The following API5 variants were observed in gnomAD, a reference collection of about 807,000 sequenced individuals.
API5 encodes the protein apoptosis inhibitor 5.
In API5, 6 loss-of-function variants were observed where a neutral mutation model predicts 71.9. That is an observed-to-expected ratio of 0.08 (90% confidence interval 0.05 to 0.16). API5 has a LOEUF of 0.16. API5 is among the 10% of genes least tolerant of loss of function. The probability of loss-of-function intolerance (pLI) is 1.00; values close to 1 mark genes in which losing one functional copy is unlikely to be tolerated. For missense variants in API5, 332 were observed against 612.8 expected (o/e 0.54, Z 4.84); for synonymous variants, 189 against 221.3 (o/e 0.85, Z 1.30).
intron 11 of API5, among the ~76,000 whole-genome samples, chr11:43,334,543 A>T (rs1377425032): frequency 6.6e-6 from 1 of 152,158 alleles, no homozygotes; most frequent in African/African-American, 2.4e-5. Flanking sequence ...ACTTTTATTG[A>T]ATTTTACCTA....
At chr11:43,321,075 T>A (rs1272397142) in intron 3 of API5, among the ~76,000 whole-genome samples, 161 bp downstream of exon 3, 1 of 152,196 alleles carries the variant, frequency 6.6e-6, no homozygotes, top group Non-Finnish European at 1.5e-5. Flanking sequence ...GTGTAATGAT[T>A]TCTGGTTATC....
chr11:43,326,896 A>G (rs773099443), intron 7 of API5, among the ~76,000 whole-genome samples: 2 of 152,220 alleles, frequency 1.3e-5, no homozygotes, highest in African/African-American at 4.8e-5. Flanking sequence ...ATTTCTATCC[A>G]TAACTGACAG....
chr11:43,317,767 T>C (rs1233069691), intron 1 of API5, among the ~76,000 whole-genome samples: 1 of 152,202 alleles, frequency 6.6e-6, no homozygotes, highest in Non-Finnish European at 1.5e-5. Context: ...AACCTCTGCC[T>C]CCTGGGTTCA....
At chr11:43,320,596 A>G (rs1854844166) in intron 2 of API5, among the ~76,000 whole-genome samples, 1 of 151,856 alleles carries the variant, frequency 6.6e-6, no homozygotes, top group African/African-American at 2.4e-5. Context: ...CCAGGCGTGG[A>G]GGCTTGCGTC....
rs1363747733 is a variant in API5, at chr11:43,342,408, C to A, written c.1493-20C>A. 1.9e-6 allele frequency: 3 copies of A among 1,575,906 alleles called. No homozygotes were observed. Among genetic ancestry groups the A allele is most frequent in the Non-Finnish European group, 2.6e-6 (3 of 1,161,866 alleles). On this transcript the variant is annotated intron_variant, in intron 13 of 13. Transcript: ENST00000531273. ...ATGAAATCCTAAGCAAGACCTAAAC[C>A]CTTGTTCGCTTTTTCGTAGAGCAGA...
intron 2 of API5, among the ~76,000 whole-genome samples, chr11:43,320,208 G>T (rs954890413): frequency 1.3e-5 from 2 of 151,886 alleles, no homozygotes; most frequent in Non-Finnish European, 2.9e-5. Flanking sequence ...ACCACGCCTG[G>T]CTAATTTTTG....
At chr11:43,316,951 G>A (rs531614538) in intron 1 of API5, among the ~76,000 whole-genome samples, 1 of 152,066 alleles carries the variant, frequency 6.6e-6, no homozygotes, top group Non-Finnish European at 1.5e-5. Flanking sequence ...CTGTTATTTG[G>A]GAGTTGTTCT....
At chr11:43,321,573 G>A (rs1335477814) in intron 4 of API5, 97 bp downstream of exon 4, 1 of 982,308 alleles carries the variant, frequency 1.0e-6, no homozygotes, top group African/African-American at 1.7e-5. Flanking sequence ...TTTACCCAGA[G>A]TTCTATTTCA....
intron 6 of API5, among the ~76,000 whole-genome samples, chr11:43,324,745 T>G (rs547147469): frequency 4.3e-4 from 65 of 152,146 alleles, no homozygotes; most frequent in Non-Finnish European, 7.9e-4. Flanking sequence ...TGGCATGATC[T>G]TGGCTGACTG....
chr11:43,321,483 C>T lies in API5; in HGVS notation c.391+7C>T. 12 of 1,596,832 alleles carry T rather than the reference C, an allele frequency of 7.5e-6. No homozygotes were observed. Among genetic ancestry groups the T allele is most frequent in the Non-Finnish European group, 1.0e-5 (12 of 1,166,822 alleles). ...TTTAAAATGGATGCAAAAGGTAAGG[C>T]CAGTTCTTATTCTGAATTGTGTTTG... On this transcript the variant is annotated splice_region_variant and intron_variant, in intron 4 of 13. Transcript: ENST00000531273.
intron 9 of API5, 167 bp downstream of exon 9, chr11:43,329,060 AGC>A (rs1483249919): frequency 5.8e-6 from 4 of 693,548 alleles, no homozygotes; most frequent in Non-Finnish European, 9.4e-6. Context: ...GACAGAAATG[AGC>A]CAGGCATGGT....
intron 3 of API5, 44 bp downstream of exon 3, chr11:43,320,958 C>T: frequency 6.7e-7 from 1 of 1,496,858 alleles, no homozygotes; most frequent in Non-Finnish European, 9.3e-7. Flanking sequence ...TATATATCTT[C>T]TTTCTGAAAT....
At chr11:43,337,460 A>G (rs1241765527) in intron 13 of API5, among the ~76,000 whole-genome samples, 1 of 152,240 alleles carries the variant, frequency 6.6e-6, no homozygotes, top group African/African-American at 2.4e-5. Flanking sequence ...ATTATATAGA[A>G]AGCCAATTTT....
intron 6 of API5, among the ~76,000 whole-genome samples, chr11:43,324,163 A>G (rs1854991404): frequency 6.6e-6 from 1 of 152,080 alleles, no homozygotes; most frequent in South Asian, 2.1e-4. Flanking sequence ...TACTACAGTC[A>G]TGCACTATCA....
chr11:43,316,995 A>G (rs1854695513), intron 1 of API5, among the ~76,000 whole-genome samples: 2 of 152,172 alleles, frequency 1.3e-5, no homozygotes, highest in Admixed American at 1.3e-4. Context: ...TTTTCACTTA[A>G]CATAGCATTA....
Position 43,321,400 on chromosome 11 carries a change from T to C in API5, c.326-11T>C. On this transcript the variant is annotated splice_polypyrimidine_tract_variant and intron_variant, in intron 3 of 13. Transcript: ENST00000531273. ...GTTTTATATTCATTATGCCACTTTT[T>C]CTTTATCCAGATGACTCTGCAGAAT... is the stretch of plus-strand genomic sequence containing the variant. 1 of 1,598,924 alleles carries C rather than the reference T, an allele frequency of 6.3e-7. No individual in the cohort carries two copies. Among genetic ancestry groups the C allele is most frequent in the Non-Finnish European group, 8.5e-7 (1 of 1,171,862 alleles).
At chr11:43,329,006 T>TA in intron 9 of API5, 113 bp downstream of exon 9, 2 of 1,085,544 alleles carry the variant, frequency 1.8e-6, no homozygotes, top group Admixed American at 2.2e-5. Flanking sequence ...ACCCCAGTGA[T>TA]ACAGATTGGA....
chr11:43,318,763 A>G lies in API5; in HGVS notation c.193A>G (p.Asn65Asp). The G allele has an allele frequency of 6.2e-7, 1 of 1,613,718 alleles. No individual in the cohort carries two copies. The highest frequency in any genetic ancestry group is 1.1e-5 in the South Asian group (1 of 91,082). Residue 65 changes from asparagine (N) to aspartate (D), a missense_variant, in exon 2 of 14, where the codon AAT becomes GAT. Asn to Asp is a conservative substitution (Grantham distance 23). Transcript: ENST00000531273. Reference protein sequence around the residue: ...HFPELADSAINAQLDLCEDED... With the variant: ...HFPELADSAIDAQLDLCEDED... ...TCCAGAATTGGCTGATTCTGCTATC[A>G]ATGCACAGTTAGACCTCTGTGAGGA...
At position 43,328,786 on chromosome 11, in the gene API5, C is replaced by A; in HGVS notation, c.1020C>A (p.Phe340Leu). 1 of 1,613,942 alleles carries A rather than the reference C, an allele frequency of 6.2e-7. No individual in the cohort carries two copies. Among genetic ancestry groups the A allele is most frequent in the Non-Finnish European group, 8.5e-7 (1 of 1,179,934 alleles). Residue 340 changes from phenylalanine (F) to leucine (L), a missense_variant, in exon 9 of 14, where the codon TTC (phenylalanine) becomes TTA (leucine). Physicochemically the swap from Phe to Leu is conservative, Grantham distance 22. Coordinates refer to ENST00000531273, the MANE Select transcript of API5 (RefSeq NM_001142930.2). ...NAGNEEPKLQ[F>L]SYVECLLYSF... ...GTAATGAAGAACCCAAGCTACAGTT[C>A]AGTTATGTGGAATGTTTGTTGTACA... is the stretch of plus-strand genomic sequence containing the variant.
Sources: gnomAD v4.1 joint callset for allele counts (sites outside exome capture counted in the v4.1 genomes callset) on GRCh38, gnomAD v4.1.1 for gene constraint, MANE v1.5 for transcripts, NCBI Gene and HGNC (gene_info 2026-07-23, HGNC 2026-07-21) for gene names.